MACROD2: variants seen among roughly 807,000 people sequenced by gnomAD.
MACROD2 encodes the protein mono-ADP ribosylhydrolase 2, also known as ADP-ribose glycohydrolase MACROD2.
In MACROD2, 36 loss-of-function variants were observed where a neutral mutation model predicts 70.4. That is an observed-to-expected ratio of 0.51 (90% CI 0.39 to 0.68). The LOEUF is 0.68. Ranked by LOEUF, MACROD2 falls within the 30% of genes least tolerant of loss-of-function variation. The pLI is 0.00. For missense variants in MACROD2, 496 were observed against 538.4 expected, an observed-to-expected ratio of 0.92 and a Z score of 0.78; for synonymous variants, 172 against 178.8, an observed-to-expected ratio of 0.96 and a Z score of 0.30.
chr20:14,284,022 C>T (rs533881182), intron 3 of MACROD2, among the ~76,000 whole-genome samples: 1 of 152,308 alleles, frequency 6.6e-6, no homozygotes, highest in South Asian at 2.1e-4. Flanking sequence ...AAGCATCATT[C>T]TTTCAGCTGC....
intron 3 of MACROD2, among the ~76,000 whole-genome samples, chr20:14,483,932 A>C (rs986554627): frequency 6.6e-6 from 1 of 152,240 alleles, no homozygotes; most frequent in African/African-American, 2.4e-5. Context: ...TTACATTAAA[A>C]GAAGACCATT....
chr20:14,726,160 C>G (rs981218400), intron 5 of MACROD2, among the ~76,000 whole-genome samples: 2 of 152,190 alleles, frequency 1.3e-5, no homozygotes, highest in African/African-American at 4.8e-5. Flanking sequence ...CTCAGTAATT[C>G]TCCTTATATT....
Position 15,777,614 on chromosome 20 carries a change from T to TCTCC in MACROD2, c.646-85118_646-85115dup, listed in dbSNP as rs1179204094. On this transcript the variant is annotated intron_variant, in intron 8 of 17. Coordinates refer to ENST00000684519, the MANE Select transcript of MACROD2 (RefSeq NM_001351661.2). ...CCTTCCTTCCTTCCCTCCCTCCCTC[T>TCTCC]CTCCCTCCCTCCCTCCTTCCTTCCT... 4.3e-5 allele frequency among the ~76,000 whole-genome samples: 5 copies of TCTCC among 117,104 alleles called. 1 individual carries two copies. The East Asian group carries it at 9.0e-4, about 21-fold the overall frequency. The allele number at this position is 117,104 out of a possible 152,430, so 76.8% of individuals were successfully genotyped here.
At chr20:14,787,304 GAA>G (rs138336258) in intron 5 of MACROD2, among the ~76,000 whole-genome samples, 2 of 150,520 alleles carry the variant, frequency 1.3e-5, no homozygotes, top group Admixed American at 6.6e-5. Flanking sequence ...TGTAACGTGT[GAA>G]AAAAAAAGTG....
At chr20:15,307,747 T>A (rs185933131) in intron 6 of MACROD2, among the ~76,000 whole-genome samples, 1 of 152,298 alleles carries the variant, frequency 6.6e-6, no homozygotes, top group Admixed American at 6.5e-5. Flanking sequence ...TAAAATAATT[T>A]TCTTTTTTTT....
chr20:15,153,006 G>T (rs1439164137), intron 5 of MACROD2, among the ~76,000 whole-genome samples: 1 of 152,134 alleles, frequency 6.6e-6, no homozygotes, highest in Non-Finnish European at 1.5e-5. Context: ...CCGCTTACCG[G>T]ATTTGAAATT....
chr20:14,300,010 C>T (rs369756120), intron 3 of MACROD2, among the ~76,000 whole-genome samples: 2 of 152,060 alleles, frequency 1.3e-5, no homozygotes, highest in East Asian at 3.9e-4. Context: ...TGAGTCATGC[C>T]TTGGAGCTGA....
At chr20:15,116,617 A>T (rs1295780600) in intron 5 of MACROD2, among the ~76,000 whole-genome samples, 2 of 152,164 alleles carry the variant, frequency 1.3e-5, no homozygotes, top group Non-Finnish European at 2.9e-5. Flanking sequence ...TGCACTCCAG[A>T]CTGGGCAATA....
At chr20:14,720,949 T>C (rs1363484846) in intron 5 of MACROD2, among the ~76,000 whole-genome samples, 1 of 151,818 alleles carries the variant, frequency 6.6e-6, no homozygotes, top group Non-Finnish European at 1.5e-5. Context: ...TTGAAGTAAA[T>C]TGAACATTAA....
At chr20:14,726,262 C>T (rs2071528843) in intron 5 of MACROD2, among the ~76,000 whole-genome samples, 1 of 152,132 alleles carries the variant, frequency 6.6e-6, no homozygotes, top group African/African-American at 2.4e-5. Context: ...AAGATGAACA[C>T]ATATAACCTT....
intron 12 of MACROD2, among the ~76,000 whole-genome samples, chr20:15,947,447 T>C (rs1436033148): frequency 2.6e-5 from 4 of 152,084 alleles, no homozygotes; most frequent in Non-Finnish European, 2.9e-5. Context: ...GTAAACATTA[T>C]GTTAACAAGG....
At chr20:15,592,405 T>G (rs1199278898) in intron 8 of MACROD2, among the ~76,000 whole-genome samples, 1 of 152,214 alleles carries the variant, frequency 6.6e-6, no homozygotes, top group African/African-American at 2.4e-5. Context: ...CTGACCTTGA[T>G]AGTAGAGGCA....
At chr20:15,478,479 G>T (rs1346646327) in intron 7 of MACROD2, among the ~76,000 whole-genome samples, 1 of 152,118 alleles carries the variant, frequency 6.6e-6, no homozygotes, top group Non-Finnish European at 1.5e-5. Context: ...AGGGAAGATG[G>T]GTGCACTGGA....
chr20:14,660,758 A>T (rs966923686), intron 4 of MACROD2, among the ~76,000 whole-genome samples: 1 of 152,092 alleles, frequency 6.6e-6, no homozygotes, highest in East Asian at 1.9e-4. Context: ...CTGTCTATGC[A>T]TACCCAGTGT....
At chr20:15,925,329 A>T (rs2065472849) in intron 10 of MACROD2, among the ~76,000 whole-genome samples, 1 of 152,216 alleles carries the variant, frequency 6.6e-6, no homozygotes, top group Non-Finnish European at 1.5e-5. Flanking sequence ...TGTGTACAGG[A>T]TGCTTTGTAT....
chr20:15,118,655 AC>A (rs1222226432), intron 5 of MACROD2, among the ~76,000 whole-genome samples: 2 of 152,192 alleles, frequency 1.3e-5, no homozygotes, highest in Non-Finnish European at 2.9e-5. Context: ...CTTATAGGAT[AC>A]TATTATGGTC....
intron 3 of MACROD2, among the ~76,000 whole-genome samples, chr20:14,374,389 A>G (rs2083353372): frequency 6.6e-6 from 1 of 152,150 alleles, no homozygotes; most frequent in Non-Finnish European, 1.5e-5. Flanking sequence ...GTTTCTCAGC[A>G]TTGTAAGGTC....
intron 3 of MACROD2, among the ~76,000 whole-genome samples, chr20:14,447,386 G>T (rs1009692542): frequency 2.0e-5 from 3 of 152,120 alleles, no homozygotes; most frequent in South Asian, 4.1e-4. Context: ...TCAAAAGTCA[G>T]GTTTTTCGAG....
At chr20:14,196,266 T>A (rs1024924988) in intron 3 of MACROD2, among the ~76,000 whole-genome samples, 1 of 152,174 alleles carries the variant, frequency 6.6e-6, no homozygotes, top group Non-Finnish European at 1.5e-5. Context: ...TCTAATATCC[T>A]CTTCACTTCA....
Sources: allele counts gnomAD v4.1 joint callset (sites outside exome capture counted in the v4.1 genomes callset), GRCh38; gene constraint gnomAD v4.1.1; transcripts MANE v1.5; gene names NCBI Gene and HGNC (gene_info 2026-07-23, HGNC 2026-07-21).